Variants in MPHOSPH9 observed in about 807,000 individuals in gnomAD.
MPHOSPH9 encodes M-phase phosphoprotein 9.
MPHOSPH9 carries 88 observed loss-of-function variants against 145.5 expected under a neutral mutation model. The observed-to-expected ratio is 0.60, with a 90% CI of 0.51 to 0.72. The LOEUF is 0.72. MPHOSPH9 is among the 30% of genes least tolerant of loss of function. The probability of loss-of-function intolerance (pLI) is 0.00; values close to 1 mark genes in which losing one functional copy is unlikely to be tolerated. For synonymous variants in MPHOSPH9, 435 were observed against 486.2 expected, an observed-to-expected ratio of 0.89 and a Z score of 1.39; for missense variants, 1,238 against 1,386.6, an observed-to-expected ratio of 0.89 and a Z score of 1.70.
intron 3 of MPHOSPH9, among the ~76,000 whole-genome samples, chr12:123,225,308 G>T (rs929432228): frequency 6.1e-5 from 9 of 148,192 alleles, no homozygotes; most frequent in Non-Finnish European, 1.3e-4. Context: ...GCTGGGCATG[G>T]TGGTGTGCAC....
downstream of MPHOSPH9, chr12:123,152,453 T>C (rs560662263): frequency 2.5e-6 from 1 of 402,008 alleles, no homozygotes; most frequent in Non-Finnish European, 5.0e-6. Context: ...CAAGCACTTG[T>C]CTACCCACCA....
At chr12:123,152,928 C>T (rs940266267), downstream of MPHOSPH9, 2 of 155,830 alleles carry the variant, frequency 1.3e-5, no homozygotes, top group African/African-American at 4.8e-5. Context: ...CTAGTGAAAA[C>T]TTGAGATAAT....
upstream of MPHOSPH9, among the ~76,000 whole-genome samples, chr12:123,236,600 A>C (rs1165035238): frequency 6.6e-6 from 1 of 152,128 alleles, no homozygotes. Context: ...CTCAAAAAAA[A>C]AAAAAAGAAG....
At position 123,156,192 on chromosome 12, in the gene MPHOSPH9, T is replaced by C. The variant is rs1047880565; in HGVS notation, c.*615A>G. ...TTAGAGAATTACAATCTCTCTTTTT[T>C]CTCTTACAGACAATAAAGTTTAAAG... is the stretch of plus-strand genomic sequence containing the variant. On this transcript the variant is annotated 3_prime_UTR_variant, in exon 24 of 24. Coordinates refer to ENST00000606320, the MANE Select transcript of MPHOSPH9 (RefSeq NM_022782.4). 2 of 152,220 alleles carry C rather than the reference T, an allele frequency of 1.3e-5. No homozygotes were observed. Among genetic ancestry groups the C allele is most frequent in the Admixed American group, 6.5e-5 (1 of 15,284 alleles). 9.4% of individuals were successfully genotyped at this position (152,220 alleles called of 1,614,324 possible).
chr12:123,229,055 GT>G (rs979895920), intron 2 of MPHOSPH9, among the ~76,000 whole-genome samples: 1 of 152,064 alleles, frequency 6.6e-6, no homozygotes, highest in African/African-American at 2.4e-5. Flanking sequence ...CACCCCCATT[GT>G]TTTATATACC....
chr12:123,220,249 A>T (rs2047140988), intron 5 of MPHOSPH9, among the ~76,000 whole-genome samples: 1 of 151,848 alleles, frequency 6.6e-6, no homozygotes, highest in African/African-American at 2.4e-5. Flanking sequence ...AGCAACATAC[A>T]GACTAGAAAA....
rs531871441 is a variant in MPHOSPH9 at position 123,182,065 on chromosome 12, C to T, written c.2242-855G>A. ...AAGCAATTCTCCTGCCTCAGCCTCCCGAGTAGCTGGGACTACAGGCGCACG... is the reference window on the plus strand; with the variant it reads ...AAGCAATTCTCCTGCCTCAGCCTCCTGAGTAGCTGGGACTACAGGCGCACG... On this transcript the variant is annotated intron_variant, in intron 13 of 23. Transcript: ENST00000606320. Among the ~76,000 whole-genome samples, 18 of 151,910 alleles carry T rather than the reference C, an allele frequency of 1.2e-4. No individual in the cohort carries two copies. In the South Asian group the frequency reaches 2.7e-3, roughly 23 times the overall value.
intron 15 of MPHOSPH9, among the ~76,000 whole-genome samples, chr12:123,177,018 T>C (rs1446996354): frequency 1.3e-5 from 2 of 151,652 alleles, no homozygotes. Context: ...GGTGAAACCC[T>C]GTCTCTACTA....
At chr12:123,203,937 T>G (rs11057189) in intron 8 of MPHOSPH9, among the ~76,000 whole-genome samples, 90,371 of 152,014 alleles carry the variant, frequency 0.59, 31,192 homozygotes, top group Non-Finnish European at 0.75. Context: ...TCCTCCCACC[T>G]TAGCTTCCCA....
At position 123,161,221 on chromosome 12, in the gene MPHOSPH9, C is replaced by A; in HGVS notation, c.3296G>T (p.Gly1099Val). ...TTTTGCTGTATATTCAAAATCATTC[C>A]CCTGTGGAGTGACTGAAACCGGCTT... ...QCKPVSVTPQ[G>V]NDFEYTAKIR... The change falls in exon 22 of 24, where the codon GGG becomes GTG. Residue 1099 changes from glycine (G) to valine (V), a missense_variant. Gly to Val is a moderately radical substitution (Grantham distance 109). Coordinates refer to ENST00000606320, the MANE Select transcript of MPHOSPH9 (RefSeq NM_022782.4). The A allele has an allele frequency of 6.2e-7, 1 of 1,614,024 alleles. No homozygotes were observed. Among genetic ancestry groups the A allele is most frequent in the Non-Finnish European group, 8.5e-7 (1 of 1,180,004 alleles).
intron 13 of MPHOSPH9, among the ~76,000 whole-genome samples, chr12:123,193,511 G>T (rs994309815): frequency 2.6e-5 from 4 of 152,076 alleles, no homozygotes; most frequent in African/African-American, 9.7e-5. Flanking sequence ...GAAGCCAGGT[G>T]CAGTGGCACA....
intron 23 of MPHOSPH9, 93 bp downstream of exon 23, chr12:123,160,688 T>G: frequency 3.3e-6 from 4 of 1,200,028 alleles, no homozygotes; most frequent in South Asian, 2.7e-5. Context: ...TGTCTAATTT[T>G]CACTGTGCCA....
intron 8 of MPHOSPH9, among the ~76,000 whole-genome samples, chr12:123,205,388 A>G (rs1742069260): frequency 6.6e-6 from 1 of 152,114 alleles, no homozygotes; most frequent in African/African-American, 2.4e-5. Flanking sequence ...TCTACTAAAA[A>G]CACAAAAATT....
chr12:123,187,277 C>T (rs955713845), intron 13 of MPHOSPH9, among the ~76,000 whole-genome samples: 1 of 151,652 alleles, frequency 6.6e-6, no homozygotes, highest in Non-Finnish European at 1.5e-5. Context: ...AAAGAACGAA[C>T]GAACAATATC....
At chr12:123,223,254 A>G (rs1022708003) in intron 3 of MPHOSPH9, 127 bp from the exon 4 acceptor site, 1 of 499,930 alleles carries the variant, frequency 2.0e-6, no homozygotes. Flanking sequence ...AGCCATCAGC[A>G]CTCTCATAGC....
At chr12:123,163,603 G>C (rs531515778) in intron 19 of MPHOSPH9, among the ~76,000 whole-genome samples, 1 of 152,124 alleles carries the variant, frequency 6.6e-6, no homozygotes, top group South Asian at 2.1e-4. Flanking sequence ...AGACTAGCTT[G>C]GATTAATTTG....
chr12:123,225,397 T>C (rs1197151638), intron 3 of MPHOSPH9, among the ~76,000 whole-genome samples: 22 of 146,982 alleles, frequency 1.5e-4, no homozygotes, highest in Admixed American at 1.4e-3. Context: ...TGAACAGAGA[T>C]TGTGCCACTG....
chr12:123,162,934 GAT>G, intron 20 of MPHOSPH9, 78 bp downstream of exon 20: 2 of 1,332,378 alleles, frequency 1.5e-6, no homozygotes, highest in African/African-American at 1.5e-5. Flanking sequence ...AAAAATTAGT[GAT>G]AGCTAGAGAC....
At chr12:123,171,647 G>A (rs1307587387) in intron 16 of MPHOSPH9, among the ~76,000 whole-genome samples, 1 of 151,702 alleles carries the variant, frequency 6.6e-6, no homozygotes, top group East Asian at 1.9e-4. Flanking sequence ...TACTTGGGAA[G>A]CTGAGGCAGG....
Sources: allele counts gnomAD v4.1 joint callset (sites outside exome capture counted in the v4.1 genomes callset), GRCh38; gene constraint gnomAD v4.1.1; transcripts MANE v1.5; gene names NCBI Gene and HGNC (gene_info 2026-07-23, HGNC 2026-07-21).